The following LOC400499 variants were observed in gnomAD, a reference collection of about 807,000 sequenced individuals.
At chr16:11,433,910 C>G in the LOC400499 span, among the ~76,000 whole-genome samples, 1 of 152,176 alleles carries the variant, frequency 6.6e-6, no homozygotes, top group African/African-American at 2.4e-5. Flanking sequence ...CCTCTATAAT[C>G]AATGAATAAA....
chr16:11,394,178 G>C, the LOC400499 span, among the ~76,000 whole-genome samples: 1 of 152,230 alleles, frequency 6.6e-6, no homozygotes, highest in African/African-American at 2.4e-5. Flanking sequence ...GTCTAAGCAA[G>C]GAGACACGGG....
At chr16:11,448,660 G>C in the LOC400499 span, among the ~76,000 whole-genome samples, 1 of 152,130 alleles carries the variant, frequency 6.6e-6, no homozygotes. Flanking sequence ...CCAGACATTC[G>C]AGGCTGCAGT....
the LOC400499 span, among the ~76,000 whole-genome samples, chr16:11,489,646 T>C: frequency 6.6e-6 from 1 of 152,136 alleles, no homozygotes; most frequent in South Asian, 2.1e-4. Flanking sequence ...GCCCACTTAT[T>C]CCCACTGGAC....
the LOC400499 span, among the ~76,000 whole-genome samples, chr16:11,507,942 AT>A: frequency 6.6e-6 from 1 of 152,166 alleles, no homozygotes. Context: ...TAAAAAAAAA[AT>A]TGTAGAACAT....
the LOC400499 span, among the ~76,000 whole-genome samples, chr16:11,400,901 A>G: frequency 6.6e-6 from 1 of 152,106 alleles, no homozygotes; most frequent in Non-Finnish European, 1.5e-5. Flanking sequence ...GCGATAGGAC[A>G]CACCCGAGGC....
At chr16:11,439,854 C>G in the LOC400499 span, among the ~76,000 whole-genome samples, 2 of 151,948 alleles carry the variant, frequency 1.3e-5, no homozygotes, top group African/African-American at 4.8e-5. Flanking sequence ...CCTCCCACAG[C>G]CACACCACCT....
chr16:11,432,193 G>C, the LOC400499 span, among the ~76,000 whole-genome samples: 1 of 152,350 alleles, frequency 6.6e-6, no homozygotes, highest in South Asian at 2.1e-4. Flanking sequence ...GAAGGCTGAT[G>C]TCAGCCAAGA....
chr16:11,424,112 G>A, the LOC400499 span: 1 of 399,358 alleles, frequency 2.5e-6, no homozygotes. Flanking sequence ...CACTCACCTG[G>A]AAGTGCCCGT....
the LOC400499 span, among the ~76,000 whole-genome samples, chr16:11,422,953 C>T: frequency 2.6e-5 from 4 of 152,148 alleles, no homozygotes; most frequent in Admixed American, 2.0e-4. Flanking sequence ...TGGGACCACT[C>T]GATGACCATC....
At chr16:11,469,904 C>T in the LOC400499 span, among the ~76,000 whole-genome samples, 1 of 152,168 alleles carries the variant, frequency 6.6e-6, no homozygotes, top group Non-Finnish European at 1.5e-5. Flanking sequence ...AGACCCCTCC[C>T]ATCCTTTTTT....
chr16:11,436,315 A>T, the LOC400499 span, among the ~76,000 whole-genome samples: 1 of 152,130 alleles, frequency 6.6e-6, no homozygotes, highest in Non-Finnish European at 1.5e-5. Context: ...GAGGACCCAG[A>T]ACTTCTGAGG....
the LOC400499 span, chr16:11,469,550 G>A: frequency 1.4e-4 from 55 of 398,936 alleles, no homozygotes; most frequent in Non-Finnish European, 2.1e-4. Context: ...AGCTTGAGCC[G>A]GAACTTGTTC....
At chr16:11,523,258 A>G in the LOC400499 span, among the ~76,000 whole-genome samples, 1 of 152,296 alleles carries the variant, frequency 6.6e-6, no homozygotes, top group Admixed American at 6.5e-5. Context: ...CCTTTCCAGA[A>G]CTGGCCTTGG....
At chr16:11,477,770 A>T in the LOC400499 span, 1 of 398,298 alleles carries the variant, frequency 2.5e-6, no homozygotes, top group East Asian at 3.6e-5. Context: ...AGCCCTCTGT[A>T]GGGATGGGAT....
At chr16:11,450,855 G>C in the LOC400499 span, 1 of 1,504,634 alleles carries the variant, frequency 6.6e-7, no homozygotes, top group Non-Finnish European at 8.9e-7. Context: ...CTGGTACACG[G>C]GGTAGAGAGG....
chr16:11,396,022 G>T, the LOC400499 span, among the ~76,000 whole-genome samples: 1 of 152,218 alleles, frequency 6.6e-6, no homozygotes, highest in Admixed American at 6.5e-5. Flanking sequence ...GTAAGGAGGG[G>T]GAGGAGATGG....
chr16:11,418,417 C>T, the LOC400499 span, among the ~76,000 whole-genome samples: 2 of 152,144 alleles, frequency 1.3e-5, no homozygotes, highest in African/African-American at 2.4e-5. Flanking sequence ...TGGCTAAATC[C>T]CACCAAACCA....
chr16:11,450,860 G>C, the LOC400499 span: 1 of 1,501,262 alleles, frequency 6.7e-7, no homozygotes, highest in Non-Finnish European at 8.9e-7. Flanking sequence ...ACACGGGGTA[G>C]AGAGGAAGCT....
the LOC400499 span, among the ~76,000 whole-genome samples, chr16:11,427,436 C>T: frequency 6.7e-6 from 1 of 149,548 alleles, no homozygotes; most frequent in African/African-American, 2.5e-5. Context: ...GGAGAAACCA[C>T]TAGACACTAA....
Sources: gnomAD v4.1 joint callset for allele counts (sites outside exome capture counted in the v4.1 genomes callset) on GRCh38, gnomAD v4.1.1 for gene constraint, MANE v1.5 for transcripts.